LAMA2: variants seen among roughly 807,000 people sequenced by gnomAD.
LAMA2 encodes the protein laminin subunit alpha-2.
A neutral mutation model predicts 364.8 loss-of-function variants in LAMA2; 269 were observed. The ratio of observed to expected loss-of-function variants is 0.74; its 90% CI spans 0.67 to 0.82. The LOEUF (loss-of-function observed/expected upper bound fraction) is 0.82, where lower values mean the gene tolerates loss of function less well. LAMA2 is among the 40% of genes least tolerant of loss of function. LAMA2 has a pLI of 0.00. For synonymous variants in LAMA2, 1,379 were observed against 1,370.6 expected (o/e 1.01, Z -0.14); for missense variants, 3,807 against 3,873.2 (o/e 0.98, Z 0.45).
chr6:129,347,057 G>A (rs951564552), intron 30 of LAMA2, among the ~76,000 whole-genome samples: 27 of 152,140 alleles, frequency 1.8e-4, no homozygotes, highest in African/African-American at 5.8e-4. Flanking sequence ...GAGGGGGCTA[G>A]GAGATGAAGT....
chr6:129,036,553 C>T (rs1786652529), intron 1 of LAMA2, among the ~76,000 whole-genome samples: 2 of 151,676 alleles, frequency 1.3e-5, no homozygotes, highest in Non-Finnish European at 2.9e-5. Context: ...AACATTTTCA[C>T]TGTAACCTGT....
chr6:129,162,563 A>G (rs1212465565), intron 8 of LAMA2, among the ~76,000 whole-genome samples: 2 of 152,036 alleles, frequency 1.3e-5, no homozygotes, highest in African/African-American at 4.8e-5. Context: ...TATTTTCCAC[A>G]TAGTTACAGA....
At chr6:129,284,865 G>A (rs755768658) in intron 18 of LAMA2, among the ~76,000 whole-genome samples, 2 of 151,964 alleles carry the variant, frequency 1.3e-5, no homozygotes, top group Non-Finnish European at 1.5e-5. Context: ...ACATTTAAAC[G>A]GCCCTTTTTC....
intron 1 of LAMA2, among the ~76,000 whole-genome samples, chr6:128,961,407 T>TAC (rs1477156453): frequency 1.5e-5 from 2 of 132,818 alleles, no homozygotes; most frequent in Non-Finnish European, 3.2e-5. Flanking sequence ...TGCATATATA[T>TAC]ACATATATAT....
chr6:129,443,650 A>T (rs899248003), intron 44 of LAMA2, among the ~76,000 whole-genome samples: 2 of 152,206 alleles, frequency 1.3e-5, no homozygotes, highest in Non-Finnish European at 2.9e-5. Context: ...CTTCTGTAGA[A>T]TTATATTTGG....
At chr6:129,052,658 A>G (rs1582948518) in intron 2 of LAMA2, among the ~76,000 whole-genome samples, 3 of 152,154 alleles carry the variant, frequency 2.0e-5, no homozygotes, top group East Asian at 3.9e-4. Context: ...CATAGACTGC[A>G]TTAGGGTTTA....
intron 40 of LAMA2, among the ~76,000 whole-genome samples, chr6:129,424,402 C>A (rs1781224484): frequency 1.3e-5 from 2 of 150,290 alleles, no homozygotes. Flanking sequence ...GAACTTCTTC[C>A]CTTCAAAAAA....
At chr6:129,456,526 A>G in intron 48 of LAMA2, 32 bp downstream of exon 48, 1 of 1,590,418 alleles carries the variant, frequency 6.3e-7, no homozygotes, top group Non-Finnish European at 8.6e-7. Context: ...TGTTTATTTC[A>G]TCTTTGTTGA....
intron 34 of LAMA2, among the ~76,000 whole-genome samples, chr6:129,381,402 C>T (rs1435961145): frequency 3.3e-5 from 5 of 151,610 alleles, no homozygotes; most frequent in East Asian, 1.9e-4. Context: ...AGTGCAGTGG[C>T]GTGATCTCGG....
At chr6:129,039,182 G>A (rs949968537) in intron 1 of LAMA2, among the ~76,000 whole-genome samples, 7 of 151,896 alleles carry the variant, frequency 4.6e-5, no homozygotes, top group Non-Finnish European at 7.4e-5. Context: ...AGTAATATAC[G>A]GACACCAAGA....
intron 22 of LAMA2, among the ~76,000 whole-genome samples, chr6:129,307,381 A>G (rs778317993): frequency 1.3e-5 from 2 of 152,190 alleles, no homozygotes; most frequent in Non-Finnish European, 2.9e-5. Context: ...ACTCAAGAGA[A>G]CGCTTCTGCA....
At chr6:128,992,977 A>G (rs140392094) in intron 1 of LAMA2, among the ~76,000 whole-genome samples, 1 of 152,194 alleles carries the variant, frequency 6.6e-6, no homozygotes, top group African/African-American at 2.4e-5. Context: ...AAATAGCTGC[A>G]TCTTTTAAGT....
intron 34 of LAMA2, among the ~76,000 whole-genome samples, chr6:129,373,041 T>G (rs1052020933): frequency 3.3e-5 from 5 of 152,194 alleles, no homozygotes; most frequent in Non-Finnish European, 7.4e-5. Flanking sequence ...TAATAGTCCT[T>G]TATCAGATAT....
At position 128,967,536 on chromosome 6, in the gene LAMA2, CT is replaced by C. The variant is rs1485327174; in HGVS notation, c.113-82381del. On this transcript the variant is annotated intron_variant, in intron 1 of 64. Coordinates refer to ENST00000421865, the MANE Select transcript of LAMA2 (RefSeq NM_000426.4). ...GACATGATTTATGTCTCATACTGTG[CT>C]AAGGGGGTGACTAAAATCTATATTG... 2.6e-5 allele frequency among the ~76,000 whole-genome samples: 4 copies of C among 152,262 alleles called. No individual in the cohort carries two copies. In the East Asian group the frequency reaches 7.7e-4, roughly 29 times the overall value.
intron 22 of LAMA2, among the ~76,000 whole-genome samples, chr6:129,304,111 G>A (rs988444839): frequency 2.0e-5 from 3 of 151,856 alleles, no homozygotes; most frequent in East Asian, 1.9e-4. Context: ...AATAAAAGGG[G>A]GACATCACTA....
At chr6:129,402,208 CAAAAAA>C (rs372396435) in intron 38 of LAMA2, 110 bp from the exon 39 acceptor site, 3 of 448,182 alleles carry the variant, frequency 6.7e-6, no homozygotes, top group African/African-American at 3.9e-5. Flanking sequence ...GACTCTGTCT[CAAAAAA>C]AAAAAAAAAA....
chr6:129,338,902 GGCATTATAT>G (rs771168115), intron 29 of LAMA2, among the ~76,000 whole-genome samples: 63 of 148,440 alleles, frequency 4.2e-4, no homozygotes, highest in Non-Finnish European at 7.0e-4. Context: ...ATGTGGCTAC[GGCATTATAT>G]GCAAAGAAAG....
intron 1 of LAMA2, chr6:128,929,056 A>T (rs1389423795): frequency 2.1e-6 from 3 of 1,448,094 alleles, no homozygotes; most frequent in Non-Finnish European, 2.9e-6. Flanking sequence ...CTAGCTGTGG[A>T]TAGTGGCTAA....
At chr6:128,957,604 G>C (rs146578222) in intron 1 of LAMA2, among the ~76,000 whole-genome samples, 43 of 152,026 alleles carry the variant, frequency 2.8e-4, no homozygotes, top group Non-Finnish European at 5.0e-4. Context: ...CTTTTTTTAG[G>C]GGGGGAAGGG....
Sources: gnomAD v4.1 joint callset for allele counts (sites outside exome capture counted in the v4.1 genomes callset) on GRCh38, gnomAD v4.1.1 for gene constraint, MANE v1.5 for transcripts, NCBI Gene and HGNC (gene_info 2026-07-23, HGNC 2026-07-21) for gene names.